The following GPR39 variants were observed in gnomAD, a reference collection of about 807,000 sequenced individuals.
The protein encoded by GPR39 is zinc sensing receptor.
In GPR39, 23 loss-of-function variants were observed where a neutral mutation model predicts 18.4. The ratio of observed to expected loss-of-function variants is 1.25; its 90% CI spans 0.90 to 1.77. The LOEUF (loss-of-function observed/expected upper bound fraction) is 1.77. Ranked by LOEUF, GPR39 falls within the 40% of genes most tolerant of loss-of-function variation. The probability of loss-of-function intolerance (pLI) is 0.00; values close to 1 mark genes in which losing one functional copy is unlikely to be tolerated. For synonymous variants in GPR39, 280 were observed against 257.9 expected (o/e 1.09, Z -0.82); for missense variants, 647 against 602.4 (o/e 1.07, Z -0.78).
intron 1 of GPR39, among the ~76,000 whole-genome samples, chr2:132,438,515 A>G (rs1459977734): frequency 1.3e-5 from 2 of 149,810 alleles, no homozygotes; most frequent in Non-Finnish European, 2.9e-5. Flanking sequence ...GGGTTAGCAA[A>G]TTACGTATGG....
intron 1 of GPR39, among the ~76,000 whole-genome samples, chr2:132,624,173 T>C (rs1166749882): frequency 6.6e-6 from 1 of 152,172 alleles, no homozygotes; most frequent in East Asian, 1.9e-4. Context: ...TCTTGGGGCT[T>C]CTCTCCTTGG....
intron 1 of GPR39, among the ~76,000 whole-genome samples, chr2:132,632,415 A>G (rs1306296407): frequency 6.6e-6 from 1 of 152,178 alleles, no homozygotes; most frequent in African/African-American, 2.4e-5. Context: ...TCACCATGAC[A>G]CCCACAGGAA....
chr2:132,500,555 C>A, intron 1 of GPR39, among the ~76,000 whole-genome samples: 1 of 151,922 alleles, frequency 6.6e-6, no homozygotes, highest in Non-Finnish European at 1.5e-5. Flanking sequence ...TTTGTTATGT[C>A]CTTTCCTGAT....
At chr2:132,485,781 A>G (rs1056509068) in intron 1 of GPR39, among the ~76,000 whole-genome samples, 2 of 152,192 alleles carry the variant, frequency 1.3e-5, no homozygotes, top group Admixed American at 6.5e-5. Context: ...TGAAATTTTG[A>G]ACCCTCAAAG....
At chr2:132,429,147 A>G (rs12472430) in intron 1 of GPR39, among the ~76,000 whole-genome samples, 32,618 of 152,194 alleles carry the variant, frequency 0.21, 3,671 homozygotes, top group African/African-American at 0.26. Flanking sequence ...ATTAGCATGA[A>G]GGTATCGTTA....
chr2:132,642,688 G>A (rs920799767), intron 1 of GPR39, among the ~76,000 whole-genome samples: 6 of 152,226 alleles, frequency 3.9e-5, no homozygotes, highest in Non-Finnish European at 8.8e-5. Flanking sequence ...TTTAAAAGCT[G>A]TGCTATGTTC....
intron 1 of GPR39, among the ~76,000 whole-genome samples, chr2:132,506,247 T>C (rs962773200): frequency 3.9e-5 from 6 of 152,148 alleles, no homozygotes; most frequent in African/African-American, 1.4e-4. Context: ...TTTAATGGGG[T>C]TGTTTGTTCC....
intron 1 of GPR39, among the ~76,000 whole-genome samples, chr2:132,459,116 C>T (rs1680787819): frequency 1.3e-5 from 2 of 152,164 alleles, no homozygotes; most frequent in African/African-American, 2.4e-5. Flanking sequence ...CAAAGAATAT[C>T]CTCTCTCTGT....
intron 1 of GPR39, among the ~76,000 whole-genome samples, chr2:132,492,817 CAT>C (rs1159867346): frequency 7.3e-6 from 1 of 136,166 alleles, no homozygotes; most frequent in African/African-American, 2.7e-5. Flanking sequence ...ATATACATAC[CAT>C]ATATATACCA....
chr2:132,491,011 G>C (rs1396685432), intron 1 of GPR39, among the ~76,000 whole-genome samples: 1 of 152,170 alleles, frequency 6.6e-6, no homozygotes, highest in African/African-American at 2.4e-5. Flanking sequence ...GAACCACCCT[G>C]GAAGGAACTG....
chr2:132,619,572 G>A (rs1275312965), intron 1 of GPR39, among the ~76,000 whole-genome samples: 7 of 152,108 alleles, frequency 4.6e-5, no homozygotes, highest in Non-Finnish European at 4.4e-5. Flanking sequence ...GAAGGCTGAC[G>A]GCTTCTCCCC....
chr2:132,490,356 T>G (rs1456191804), intron 1 of GPR39, among the ~76,000 whole-genome samples: 1 of 151,950 alleles, frequency 6.6e-6, no homozygotes, highest in Admixed American at 6.6e-5. Flanking sequence ...TCCAGTTTTC[T>G]TTTTTTCAGG....
chr2:132,611,584 A>T (rs1681240882), intron 1 of GPR39, among the ~76,000 whole-genome samples: 1 of 152,086 alleles, frequency 6.6e-6, no homozygotes, highest in Non-Finnish European at 1.5e-5. Flanking sequence ...TTCTTCTAGG[A>T]AACTGCTCCA....
Position 132,475,621 on chromosome 2 carries a change from C to G in GPR39, c.856+57723C>G, listed in dbSNP as rs180918899. 1.5e-3 allele frequency among the ~76,000 whole-genome samples: 221 copies of G among 152,140 alleles called. 3 individuals carry two copies. The highest frequency in any genetic ancestry group is 5.0e-3 in the African/African-American group (209 of 41,500). ...AGTCCCACCCTTACTCGTTAGGGCTCTGATTGTGACATACGAGACAGGTCG... is the reference window on the plus strand; with the variant it reads ...AGTCCCACCCTTACTCGTTAGGGCTGTGATTGTGACATACGAGACAGGTCG... On this transcript the variant is annotated intron_variant, in intron 1 of 1. Coordinates refer to ENST00000329321, the MANE Select transcript of GPR39 (RefSeq NM_001508.3).
At chr2:132,561,994 C>T (rs945311873) in intron 1 of GPR39, among the ~76,000 whole-genome samples, 8 of 152,166 alleles carry the variant, frequency 5.3e-5, no homozygotes, top group Admixed American at 3.3e-4. Context: ...GAAATACCCT[C>T]GCAGACACAC....
At chr2:132,423,162 C>T (rs1680047128) in intron 1 of GPR39, among the ~76,000 whole-genome samples, 1 of 151,940 alleles carries the variant, frequency 6.6e-6, no homozygotes, top group Non-Finnish European at 1.5e-5. Context: ...TGGGACCACT[C>T]AACTGACTCT....
chr2:132,498,361 A>C (rs184757617), intron 1 of GPR39, among the ~76,000 whole-genome samples: 1 of 152,196 alleles, frequency 6.6e-6, no homozygotes, highest in Non-Finnish European at 1.5e-5. Flanking sequence ...GAGCCGCTTC[A>C]CTGGATGGAG....
At chr2:132,487,411 T>G (rs558201561) in intron 1 of GPR39, among the ~76,000 whole-genome samples, 19 of 152,342 alleles carry the variant, frequency 1.2e-4, no homozygotes, top group African/African-American at 4.6e-4. Context: ...GTCTTCAATT[T>G]ATTTTTTTAA....
intron 1 of GPR39, among the ~76,000 whole-genome samples, chr2:132,623,059 C>A (rs1238971309): frequency 2.0e-5 from 3 of 152,158 alleles, no homozygotes; most frequent in Non-Finnish European, 2.9e-5. Flanking sequence ...TTGCAGTGAG[C>A]TAAGATCATG....
Sources: gnomAD v4.1 joint callset for allele counts (sites outside exome capture counted in the v4.1 genomes callset) on GRCh38, gnomAD v4.1.1 for gene constraint, MANE v1.5 for transcripts, NCBI Gene and HGNC (gene_info 2026-07-23, HGNC 2026-07-21) for gene names.